Variants in TMEM234 observed in about 807,000 individuals in gnomAD.
TMEM234 encodes the protein transmembrane protein 234, also known as chromosome 1 open reading frame 91.
TMEM234 carries 21 observed loss-of-function variants against 17.8 expected under a neutral mutation model. The observed-to-expected ratio is 1.18, with a 90% CI of 0.84 to 1.70. TMEM234 has a LOEUF of 1.70. TMEM234 is among the 40% of genes most tolerant of loss of function. The probability of loss-of-function intolerance (pLI) is 0.00; values close to 1 mark genes in which losing one functional copy is unlikely to be tolerated. For synonymous variants in TMEM234, 83 were observed against 73.5 expected, an observed-to-expected ratio of 1.13 and a Z score of -0.66; for missense variants, 137 against 166.9, an observed-to-expected ratio of 0.82 and a Z score of 0.99.
At chr1:32,215,851 G>T (rs768106750), downstream of TMEM234, 7 of 1,552,962 alleles carry the variant, frequency 4.5e-6, no homozygotes, top group South Asian at 7.1e-5. Context: ...AACCAGCCTG[G>T]GGCTGGGGCT....
chr1:32,221,767 TAGTG>T (rs1226181439), intron 2 of TMEM234, 96 bp downstream of exon 2: 31 of 1,498,308 alleles, frequency 2.1e-5, no homozygotes, highest in Middle Eastern at 1.8e-4. Flanking sequence ...CGAGAATTTC[TAGTG>T]AGTAAGTGGT....
At chr1:32,221,322 T>A in intron 2 of TMEM234, 125 bp from the exon 3 acceptor site, 1 of 739,886 alleles carries the variant, frequency 1.4e-6, no homozygotes, top group Non-Finnish European at 2.3e-6. Context: ...AGAACACTAA[T>A]CCCTCTAAGG....
intron 3 of TMEM234, among the ~76,000 whole-genome samples, chr1:32,218,542 C>A (rs977046347): frequency 6.6e-6 from 1 of 151,974 alleles, no homozygotes; most frequent in African/African-American, 2.4e-5. Context: ...GTGGCTCATG[C>A]CTGTAATCCC....
chr1:32,221,892 A>G lies in TMEM234; in HGVS notation c.143T>C (p.Met48Thr), dbSNP rs1251942463. ...PTWAQQLLQE[M>T]KTLFLNTEYL... ...CTCAGTATTCAAGAAGAGGGTCTTCATCTCCTGTAGCAACTGCTGGGCCCA... is the reference window on the plus strand; with the variant it reads ...CTCAGTATTCAAGAAGAGGGTCTTCGTCTCCTGTAGCAACTGCTGGGCCCA... Residue 48 changes from methionine (M) to threonine (T), a missense_variant, in exon 2 of 5, where the codon ATG (methionine) becomes ACG (threonine). Transcript: ENST00000309777. 6.2e-7 allele frequency: 1 copy of G among 1,612,686 alleles called. No homozygotes were observed. Among genetic ancestry groups the G allele is most frequent in the South Asian group, 1.1e-5 (1 of 91,078 alleles).
chr1:32,222,113 C>A, intron 1 of TMEM234, 95 bp from the exon 2 acceptor site: 1 of 1,504,594 alleles, frequency 6.6e-7, no homozygotes, highest in Non-Finnish European at 8.9e-7. Context: ...GCCGCCCCCA[C>A]TTCCCTCCTT....
chr1:32,214,667 T>C, downstream of TMEM234: 1 of 1,359,312 alleles, frequency 7.4e-7, no homozygotes, highest in Non-Finnish European at 1.0e-6. Flanking sequence ...GGACGTACTT[T>C]GTGAAGACAG....
At position 32,217,241 on chromosome 1, in the gene TMEM234, C is replaced by T. The variant is rs765329439; in HGVS notation, c.328+18G>A. 4 of 1,614,198 alleles carry T rather than the reference C, an allele frequency of 2.5e-6. No individual in the cohort carries two copies. The highest frequency in any genetic ancestry group is 1.3e-5 in the African/African-American group (1 of 75,042). On this transcript the variant is annotated intron_variant, in intron 4 of 4. Transcript: ENST00000309777. ...GATCCACAGAGCTGCGTCCCGCACT[C>T]GCAGTAGTCTAACTTACGTTTTCCA...
At chr1:32,217,567 C>A (rs1186901303) in intron 3 of TMEM234, 4 of 1,040,376 alleles carry the variant, frequency 3.8e-6, no homozygotes, top group Non-Finnish European at 4.3e-6. Flanking sequence ...ACTCTGAGGT[C>A]TGGGACCAGC....
At chr1:32,217,384 T>A in intron 3 of TMEM234, 33 bp from the exon 4 acceptor site, 1 of 1,593,686 alleles carries the variant, frequency 6.3e-7, no homozygotes, top group Non-Finnish European at 8.6e-7. Flanking sequence ...ATGCCTGAGA[T>A]GCAACAAATG....
In TMEM234 at chr1:32,222,004, G is replaced by C. The variant is rs1265106280; in HGVS notation, c.31C>G (p.Leu11Val). 2 of 1,611,726 alleles carry C rather than the reference G, an allele frequency of 1.2e-6. No homozygotes were observed. The highest frequency in any genetic ancestry group is 1.7e-6 in the Non-Finnish European group (2 of 1,179,598). ...CCCCACAGAGCGGCCACCAGCACCA[G>C]AGCCAACACCTGCCCTGAATGCAGA... MAASLGQVLA[L>V]VLVAALWGGT... The change falls in exon 2 of 5, where the codon CTG becomes GTG. Residue 11 changes from leucine to valine, a missense_variant. By Grantham distance (32) the Leu-to-Val change is conservative (BLOSUM62 1). Transcript: ENST00000309777.
downstream of TMEM234, chr1:32,216,187 T>TA: frequency 1.2e-6 from 1 of 835,128 alleles, no homozygotes; most frequent in Non-Finnish European, 1.8e-6. Flanking sequence ...AAAGAATACT[T>TA]ACTAACCTCT....
At position 32,216,603 on chromosome 1, in the gene TMEM234, G is replaced by A. The variant is rs1557538756; in HGVS notation, c.*250C>T. ...TGTTAGCAGGAAGAGAGCTGCTGGG[G>A]CAGAAAGGTTGCTGAGGGTGAGCGT... On this transcript the variant is annotated 3_prime_UTR_variant, in exon 5 of 5. Transcript: ENST00000309777. The A allele has an allele frequency of 1.3e-6, 2 of 1,538,660 alleles. No individual in the cohort carries two copies. Among genetic ancestry groups the A allele is most frequent in the East Asian group, 4.9e-5 (2 of 40,578 alleles).
At chr1:32,216,978 T>G (rs1388039480) in intron 4 of TMEM234, 31 bp from the exon 5 acceptor site, 3 of 1,613,828 alleles carry the variant, frequency 1.9e-6, no homozygotes, top group East Asian at 2.2e-5. Context: ...CAGGAGGGTC[T>G]GAGCTCAGCC....
chr1:32,214,608 C>A, downstream of TMEM234: 1 of 733,150 alleles, frequency 1.4e-6, no homozygotes. Context: ...GCATCTACTG[C>A]TCTGTCCCTG....
downstream of TMEM234, chr1:32,215,389 G>A: frequency 6.7e-7 from 1 of 1,493,264 alleles, no homozygotes; most frequent in Non-Finnish European, 9.2e-7. Flanking sequence ...GGGCAGGAAT[G>A]CTGAGGGCTC....
At chr1:32,217,708 C>T (rs1292824113) in intron 3 of TMEM234, 2 of 416,768 alleles carry the variant, frequency 4.8e-6, no homozygotes, top group African/African-American at 4.1e-5. Context: ...CAAGCACAGC[C>T]ACCATTTATT....
downstream of TMEM234, chr1:32,215,033 C>G: frequency 7.0e-7 from 1 of 1,425,340 alleles, no homozygotes; most frequent in Non-Finnish European, 9.4e-7. Context: ...GCAGAATGCT[C>G]AGACACAAAG....
chr1:32,217,775 CAAG>C (rs1638538404), intron 3 of TMEM234, among the ~76,000 whole-genome samples: 2 of 152,150 alleles, frequency 1.3e-5, no homozygotes, highest in South Asian at 4.1e-4. Context: ...CACAACACTG[CAAG>C]AAGGGGATTA....
Position 32,218,153 on chromosome 1 carries a change from G to A in TMEM234, c.236-802C>T, listed in dbSNP as rs572306567. On this transcript the variant is annotated intron_variant, in intron 3 of 4. Coordinates refer to ENST00000309777, the MANE Select transcript of TMEM234 (RefSeq NM_019118.5). ...GAGTAATGGAGTTGGCTGGGTGCAG[G>A]GTGGCTCACGCCTGTAATCCCAGCA... Among the ~76,000 whole-genome samples the A allele has an allele frequency of 7.9e-5, 12 of 152,326 alleles. No individual in the cohort carries two copies. In the East Asian group the frequency reaches 2.3e-3, roughly 29 times the overall value.
Sources: allele counts gnomAD v4.1 joint callset (sites outside exome capture counted in the v4.1 genomes callset), GRCh38; gene constraint gnomAD v4.1.1; transcripts MANE v1.5; gene names NCBI Gene and HGNC (gene_info 2026-07-23, HGNC 2026-07-21).